The following CNR2 variants were observed in gnomAD, a reference collection of about 807,000 sequenced individuals.
CNR2 encodes cannabinoid receptor 2.
For synonymous variants in CNR2, 172 were observed against 182.2 expected, an observed-to-expected ratio of 0.94 and a Z score of 0.45; for missense variants, 379 against 439.9, an observed-to-expected ratio of 0.86 and a Z score of 1.24.
Position 23,874,291 on chromosome 1 carries a change from A to G in CNR2, c.*244T>C. ...ACCTGACTTGTACTGACCCTGTCCC[A>G]GGCCTTTTGTGTCTCGCCTACCTGG... On this transcript the variant is annotated 3_prime_UTR_variant, in exon 2 of 2. Transcript: ENST00000374472. 6.3e-6 allele frequency: 3 copies of G among 479,876 alleles called. No homozygotes were observed. Among genetic ancestry groups the G allele is most frequent in the Non-Finnish European group, 1.1e-5 (3 of 263,666 alleles). 29.7% of individuals were successfully genotyped at this position (479,876 alleles called of 1,614,324 possible).
chr1:23,873,185 C>T lies in CNR2; in HGVS notation c.*1350G>A, dbSNP rs893738197. The T allele has an allele frequency of 6.6e-6, 1 of 152,166 alleles. No individual in the cohort carries two copies. The highest frequency in any genetic ancestry group is 1.5e-5 in the Non-Finnish European group (1 of 68,036). 9.4% of individuals were successfully genotyped at this position (152,166 alleles called of 1,614,324 possible). The stretch of plus-strand genomic sequence containing the variant: ...TTTCTCTTGTTGGCTGTTTTAGGCT[C>T]CTCTGGGAGGAACCCAGCCTCCCTC... On this transcript the variant is annotated 3_prime_UTR_variant, in exon 2 of 2. Coordinates refer to ENST00000374472, the MANE Select transcript of CNR2 (RefSeq NM_001841.3).
intron 1 of CNR2, among the ~76,000 whole-genome samples, chr1:23,888,351 A>G (rs1388578757): frequency 6.6e-6 from 1 of 152,072 alleles, no homozygotes; most frequent in Admixed American, 6.6e-5. Context: ...TTCTTTTCTC[A>G]TTTGTAAAAT....
At chr1:23,893,690 T>C (rs566426965) in intron 1 of CNR2, among the ~76,000 whole-genome samples, 24 of 152,262 alleles carry the variant, frequency 1.6e-4, no homozygotes, top group East Asian at 3.9e-4. Context: ...GTAAAGAAGA[T>C]TGGGGGATAA....
At chr1:23,901,974 T>C in intron 1 of CNR2, 1 of 1,605,034 alleles carries the variant, frequency 6.2e-7, no homozygotes, top group Non-Finnish European at 8.5e-7. Context: ...CGGGGCTTGT[T>C]GGTGGCCGTG....
At chr1:23,902,150 G>T in intron 1 of CNR2, 1 of 1,417,148 alleles carries the variant, frequency 7.1e-7, no homozygotes, top group Non-Finnish European at 9.9e-7. Context: ...GGCAGCCCCT[G>T]CCTCTTGCAC....
At chr1:23,903,797 A>C (rs1397366098) in intron 1 of CNR2, among the ~76,000 whole-genome samples, 1 of 152,146 alleles carries the variant, frequency 6.6e-6, no homozygotes, top group Non-Finnish European at 1.5e-5. Context: ...TAAGTCAGGA[A>C]GGGTGGTCCT....
At chr1:23,909,544 GA>G (rs1173382763) in intron 1 of CNR2, among the ~76,000 whole-genome samples, 3 of 152,178 alleles carry the variant, frequency 2.0e-5, no homozygotes, top group Non-Finnish European at 4.4e-5. Flanking sequence ...CACAGTCAGG[GA>G]AGGTCTGTCA....
At chr1:23,903,299 G>T (rs1170478172) in intron 1 of CNR2, among the ~76,000 whole-genome samples, 2 of 152,194 alleles carry the variant, frequency 1.3e-5, no homozygotes, top group African/African-American at 4.8e-5. Flanking sequence ...GTGAGGCCGG[G>T]TGCAGTGATT....
chr1:23,881,523 G>T (rs540226492), intron 1 of CNR2, among the ~76,000 whole-genome samples: 5 of 151,722 alleles, frequency 3.3e-5, no homozygotes, highest in Middle Eastern at 3.4e-3. Context: ...AACCTAGGAG[G>T]CGGAGGCTGC....
chr1:23,884,919 G>C (rs577969564), intron 1 of CNR2, among the ~76,000 whole-genome samples: 1 of 152,178 alleles, frequency 6.6e-6, no homozygotes, highest in African/African-American at 2.4e-5. Flanking sequence ...TCCGGCCTCA[G>C]CCTCCCGAGT....
intron 1 of CNR2, among the ~76,000 whole-genome samples, chr1:23,890,302 AAGGATTCTGTCCTC>A: frequency 6.6e-6 from 1 of 151,634 alleles, no homozygotes; most frequent in Non-Finnish European, 1.5e-5. Context: ...AGAAGAAGAA[AAGGATTCTGTCCTC>A]CAGCTATGCC....
chr1:23,901,947 T>C, intron 1 of CNR2: 1 of 1,603,410 alleles, frequency 6.2e-7, no homozygotes, highest in Non-Finnish European at 8.5e-7. Context: ...TTCCTCTTGA[T>C]CAGGGGGAAG....
rs549893597 is a variant in CNR2, at chr1:23,894,379, C to T, written c.-45-18717G>A. 2.6e-5 allele frequency among the ~76,000 whole-genome samples: 4 copies of T among 151,832 alleles called. No individual in the cohort carries two copies. In the South Asian group the frequency reaches 8.3e-4, roughly 32 times the overall value. On this transcript the variant is annotated intron_variant, in intron 1 of 1. Transcript: ENST00000374472. ...GAGGTTGCACTGAGCTGAGATCATG[C>T]CATTGCACTGCAGCCTGGGCAACAA...
intron 1 of CNR2, among the ~76,000 whole-genome samples, chr1:23,910,415 GA>G (rs1640563941): frequency 1.3e-5 from 2 of 151,398 alleles, no homozygotes; most frequent in Non-Finnish European, 2.9e-5. Context: ...CTTCGCTTAA[GA>G]AAAAAACAAG....
At position 23,879,062 on chromosome 1, in the gene CNR2, G is replaced by A. The variant is rs1183198244; in HGVS notation, c.-45-3400C>T. 1.3e-5 allele frequency among the ~76,000 whole-genome samples: 2 copies of A among 152,162 alleles called. 1 individual carries two copies. Among genetic ancestry groups the A allele is most frequent in the African/African-American group, 4.8e-5 (2 of 41,440 alleles). On this transcript the variant is annotated intron_variant, in intron 1 of 1. Transcript: ENST00000374472. ...AGTGAGCAAGTAAGTTGACAAATAT[G>A]AGTAAAGAAAAGCAAATGGCTTTAT...
intron 1 of CNR2, among the ~76,000 whole-genome samples, chr1:23,910,694 G>C (rs10399695): frequency 0.013 from 1,496 of 113,688 alleles, 21 homozygotes; most frequent in African/African-American, 0.04. Context: ...GAAAAGAAAA[G>C]AAAACAAAAC....
chr1:23,876,437 A>T (rs1639875967), intron 1 of CNR2, among the ~76,000 whole-genome samples: 2 of 151,634 alleles, frequency 1.3e-5, no homozygotes, highest in Non-Finnish European at 2.9e-5. Context: ...TCCTGATCTG[A>T]GGTGATCCAC....
rs1435634157 is a variant in CNR2 at position 23,874,847 on chromosome 1, A to G, written c.771T>C (p.Cys257=). 1.2e-6 allele frequency: 2 copies of G among 1,613,984 alleles called. No homozygotes were observed. Among genetic ancestry groups the G allele is most frequent in the South Asian group, 1.1e-5 (1 of 91,088 alleles). ...LGLVLAVLLI[C]WFPVLALMAH... is the part of the protein sequence containing the mutation. ...CCATGAGGGCCAGCACTGGGAACCA[A>G]CAGATGAGGAGCACAGCCAACACTA... Residue 257 remains cysteine (C), a synonymous_variant, in exon 2 of 2, where the codon TGT becomes TGC. Coordinates refer to ENST00000374472, the MANE Select transcript of CNR2 (RefSeq NM_001841.3).
At chr1:23,885,445 T>G (rs1640070263) in intron 1 of CNR2, among the ~76,000 whole-genome samples, 1 of 152,182 alleles carries the variant, frequency 6.6e-6, no homozygotes, top group Non-Finnish European at 1.5e-5. Flanking sequence ...ATTTCTCATC[T>G]GTAAAATGGG....
Sources: gnomAD v4.1 joint callset for allele counts (sites outside exome capture counted in the v4.1 genomes callset) on GRCh38, gnomAD v4.1.1 for gene constraint, MANE v1.5 for transcripts, NCBI Gene and HGNC (gene_info 2026-07-23, HGNC 2026-07-21) for gene names.